The following ME3 variants were observed in gnomAD, a reference collection of about 807,000 sequenced individuals.
ME3 encodes the protein NADP-dependent malic enzyme, mitochondrial.
In ME3, 48 loss-of-function variants were observed where a neutral mutation model predicts 68.9. The ratio of observed to expected loss-of-function variants is 0.70; its 90% CI spans 0.55 to 0.89. The LOEUF (loss-of-function observed/expected upper bound fraction) is 0.89, where lower values mean the gene tolerates loss of function less well. ME3 is among the 40% of genes least tolerant of loss of function. ME3 has a pLI of 0.00. For synonymous variants in ME3, 320 were observed against 318.8 expected (o/e 1.00, Z -0.04); for missense variants, 675 against 797.4 (o/e 0.85, Z 1.85).
chr11:86,454,974 A>G (rs545957223), intron 8 of ME3, among the ~76,000 whole-genome samples: 42 of 152,338 alleles, frequency 2.8e-4, no homozygotes, highest in African/African-American at 8.4e-4. Flanking sequence ...TTGGTGGCCA[A>G]TAAGTGCACA....
chr11:86,643,481 T>C (rs73528007), intron 2 of ME3, among the ~76,000 whole-genome samples: 104 of 152,260 alleles, frequency 6.8e-4, no homozygotes, highest in African/African-American at 2.4e-3. Context: ...TTTTAGGTCT[T>C]AGCCTTGACA....
intron 4 of ME3, among the ~76,000 whole-genome samples, chr11:86,542,107 A>G (rs1291157119): frequency 6.6e-6 from 1 of 152,232 alleles, no homozygotes; most frequent in Non-Finnish European, 1.5e-5. Flanking sequence ...GAATAGCATC[A>G]ACATCAACAA....
downstream of ME3, among the ~76,000 whole-genome samples, chr11:86,438,746 T>G (rs1948911031): frequency 6.6e-6 from 1 of 152,192 alleles, no homozygotes; most frequent in South Asian, 2.1e-4. Context: ...AATTATTGAC[T>G]TGAGACTTTT....
downstream of ME3, among the ~76,000 whole-genome samples, chr11:86,438,127 C>G (rs1306585242): frequency 6.6e-6 from 1 of 151,966 alleles, no homozygotes; most frequent in Non-Finnish European, 1.5e-5. Context: ...TATAGATGTC[C>G]TTCGTTAGGT....
chr11:86,640,155 A>G (rs1354050557), intron 2 of ME3, among the ~76,000 whole-genome samples: 2 of 152,220 alleles, frequency 1.3e-5, no homozygotes, highest in Middle Eastern at 3.2e-3. Context: ...AGCGGAGACA[A>G]CAAAAATAAG....
intron 13 of ME3, among the ~76,000 whole-genome samples, chr11:86,444,084 A>C (rs1949153402): frequency 6.6e-6 from 1 of 152,162 alleles, no homozygotes; most frequent in Non-Finnish European, 1.5e-5. Flanking sequence ...TGATTATAGC[A>C]ATTATAGTGG....
chr11:86,509,746 G>C (rs958900777), intron 4 of ME3, among the ~76,000 whole-genome samples: 1 of 109,064 alleles, frequency 9.2e-6, no homozygotes, highest in African/African-American at 3.5e-5. Flanking sequence ...TGCACACACA[G>C]GGGGATTGGC....
intron 4 of ME3, among the ~76,000 whole-genome samples, chr11:86,522,291 A>G (rs907023533): frequency 6.6e-6 from 1 of 152,130 alleles, no homozygotes; most frequent in Admixed American, 6.6e-5. Flanking sequence ...CAGATTAAGA[A>G]AAAAAGGCCA....
intron 12 of ME3, 130 bp downstream of exon 12, chr11:86,446,935 T>A (rs1593988963): frequency 4.0e-6 from 5 of 1,264,336 alleles, no homozygotes; most frequent in Admixed American, 2.7e-5. Context: ...ACCTTGGGCA[T>A]GTTACTTCAT....
intron 5 of ME3, among the ~76,000 whole-genome samples, chr11:86,500,151 G>A (rs910178385): frequency 6.6e-6 from 1 of 152,196 alleles, no homozygotes; most frequent in African/African-American, 2.4e-5. Context: ...CTGCCTCTGG[G>A]TGTCCAAACT....
At chr11:86,604,533 A>C (rs989511735) in intron 2 of ME3, among the ~76,000 whole-genome samples, 1 of 152,244 alleles carries the variant, frequency 6.6e-6, no homozygotes, top group Admixed American at 6.5e-5. Context: ...GAAACAACTG[A>C]AAACTGGATA....
chr11:86,633,798 C>T (rs1944162985), intron 2 of ME3, among the ~76,000 whole-genome samples: 2 of 152,114 alleles, frequency 1.3e-5, no homozygotes, highest in Admixed American at 6.5e-5. Flanking sequence ...TACCATGGGC[C>T]TCATGGGGTC....
At chr11:86,526,799 G>C (rs906374116) in intron 4 of ME3, among the ~76,000 whole-genome samples, 1 of 152,212 alleles carries the variant, frequency 6.6e-6, no homozygotes, top group East Asian at 1.9e-4. Flanking sequence ...ACCTGCAGCT[G>C]AGGGTCCTAA....
At chr11:86,441,905 C>T (rs568192669) in intron 14 of ME3, among the ~76,000 whole-genome samples, 2 of 152,160 alleles carry the variant, frequency 1.3e-5, no homozygotes, top group South Asian at 2.1e-4. Context: ...TTTGGCTTCA[C>T]GAGAATGTGA....
At chr11:86,507,891 G>A (rs1042928828) in intron 5 of ME3, among the ~76,000 whole-genome samples, 2 of 151,820 alleles carry the variant, frequency 1.3e-5, no homozygotes, top group African/African-American at 4.8e-5. Context: ...AGGCTGAGGT[G>A]GGAGGATCAC....
intron 2 of ME3, among the ~76,000 whole-genome samples, chr11:86,591,296 G>A (rs1357149277): frequency 2.6e-5 from 4 of 152,098 alleles, no homozygotes; most frequent in Admixed American, 2.6e-4. Context: ...GGCTGAATTG[G>A]GTCCTCCCAA....
chr11:86,630,600 A>G (rs1943953117), intron 2 of ME3, among the ~76,000 whole-genome samples: 1 of 152,266 alleles, frequency 6.6e-6, no homozygotes, highest in Admixed American at 6.5e-5. Flanking sequence ...GTTTGCCTCA[A>G]ACAAGTCCAA....
chr11:86,546,113 T>A (rs1035589050), intron 4 of ME3, among the ~76,000 whole-genome samples: 3 of 152,234 alleles, frequency 2.0e-5, no homozygotes, highest in Non-Finnish European at 4.4e-5. Context: ...GCTAGCCATA[T>A]GCAGAAAACT....
chr11:86,553,389 G>A (rs1191977261), intron 4 of ME3, among the ~76,000 whole-genome samples: 3 of 152,146 alleles, frequency 2.0e-5, no homozygotes, highest in South Asian at 2.1e-4. Context: ...GAAGGTGCTG[G>A]CTCTCTCCCT....
Sources: gnomAD v4.1 joint callset for allele counts (sites outside exome capture counted in the v4.1 genomes callset) on GRCh38, gnomAD v4.1.1 for gene constraint, MANE v1.5 for transcripts, NCBI Gene and HGNC (gene_info 2026-07-23, HGNC 2026-07-21) for gene names.